The following COPZ2 variants were observed in gnomAD, a reference collection of about 807,000 sequenced individuals.
The protein encoded by COPZ2 is coat protein complex I subunit zeta 2.
A neutral mutation model predicts 33.2 loss-of-function variants in COPZ2; 30 were observed. The observed-to-expected ratio is 0.90, with a 90% CI of 0.68 to 1.23. The LOEUF (loss-of-function observed/expected upper bound fraction) is 1.23. COPZ2 is among the 50% of genes most tolerant of loss of function. The pLI is 0.00. For synonymous variants in COPZ2, 89 were observed against 102.6 expected, an observed-to-expected ratio of 0.87 and a Z score of 0.80; for missense variants, 263 against 262.4, an observed-to-expected ratio of 1.00 and a Z score of -0.02.
intron 3 of COPZ2, 143 bp from the exon 4 acceptor site, chr17:48,033,445 ACCATCAGGCAGC>A: frequency 1.6e-6 from 1 of 638,332 alleles, no homozygotes; most frequent in South Asian, 1.8e-5. Flanking sequence ...TAGGGACACT[ACCATCAGGCAGC>A]CCCGTGTCCT....
At chr17:48,029,526 G>A in intron 6 of COPZ2, 2 of 361,924 alleles carry the variant, frequency 5.5e-6, no homozygotes, top group South Asian at 7.1e-5. Context: ...GTATAGGATT[G>A]GATTCCCTGT....
At chr17:48,026,564 C>G in intron 8 of COPZ2, 89 bp from the exon 9 acceptor site, 1 of 927,170 alleles carries the variant, frequency 1.1e-6, no homozygotes. Context: ...CCCACCTTGC[C>G]GAAGCGCCCC....
intron 6 of COPZ2, among the ~76,000 whole-genome samples, chr17:48,030,269 AG>A (rs1398557266): frequency 1.3e-5 from 2 of 150,334 alleles, no homozygotes; most frequent in Non-Finnish European, 3.0e-5. Context: ...CCTGGGCGAC[AG>A]AGTGAGACTC....
At chr17:48,027,353 T>A (rs2036831842) in intron 8 of COPZ2, among the ~76,000 whole-genome samples, 1 of 152,248 alleles carries the variant, frequency 6.6e-6, no homozygotes, top group South Asian at 2.1e-4. Context: ...GGAGCCCTAC[T>A]AAGAGCTTGT....
chr17:48,045,158 CTA>C, the COPZ2 span: 7 of 152,118 alleles, frequency 4.6e-5, no homozygotes, highest in African/African-American at 1.7e-4. Flanking sequence ...TGGGTTTTCA[CTA>C]TGTTGGCCAG....
Position 48,028,466 on chromosome 17 carries a change from G to T in COPZ2, c.585+6C>A, listed in dbSNP as rs746959636. The T allele has an allele frequency of 6.2e-7, 1 of 1,608,380 alleles. No individual in the cohort carries two copies. The highest frequency in any genetic ancestry group is 1.1e-5 in the South Asian group (1 of 89,724). Reference sequence around the variant, plus strand: ...TTCTAGCCAAGGCAGATGCAGGGGGGCCTACCTGGGCCACACTCTGTTCAG... The same window carrying T: ...TTCTAGCCAAGGCAGATGCAGGGGGTCCTACCTGGGCCACACTCTGTTCAG... On this transcript the variant is annotated splice_donor_region_variant and intron_variant, in intron 8 of 8. Transcript: ENST00000621465. The surrounding 1 kb of genome is among the most constrained non-coding windows in gnomAD (Gnocchi z 4.5).
At chr17:48,038,611 T>C (rs184467024), upstream of COPZ2, among the ~76,000 whole-genome samples, 17 of 152,344 alleles carry the variant, frequency 1.1e-4, no homozygotes, top group Admixed American at 3.9e-4. Flanking sequence ...ACCTGTAAGA[T>C]AGGCATAATG....
chr17:48,029,096 A>G (rs2036855308), intron 7 of COPZ2, 29 bp downstream of exon 7: 1 of 1,562,932 alleles, frequency 6.4e-7, no homozygotes, highest in African/African-American at 1.4e-5. Flanking sequence ...GGGCAGCCTA[A>G]AAGAGGAGGT....
Position 48,037,669 on chromosome 17 carries a change from G to A in COPZ2, c.109C>T (p.Arg37Trp), listed in dbSNP as rs1361088679. 2.7e-6 allele frequency: 3 copies of A among 1,096,650 alleles called. No homozygotes were observed. The highest frequency in any genetic ancestry group is 1.0e-4 in the Admixed American group (2 of 19,076). 67.9% of individuals were successfully genotyped at this position (1,096,650 alleles called of 1,614,324 possible). The change falls in exon 1 of 9, where the codon CGG becomes TGG. Residue 37 changes from arginine (R) to tryptophan (W), a missense_variant and splice_region_variant. By Grantham distance (101) the Arg-to-Trp change is moderately radical (BLOSUM62 -3). Transcript: ENST00000621465. The surrounding 1 kb of genome is among the most constrained non-coding windows in gnomAD (Gnocchi z 5.6). ...CCCCGCGCCCGCCCGCTCCGTACCCGCAGCCCCGAGGGCTCCCCGGCTCGA... is the reference window on the plus strand; with the variant it reads ...CCCCGCGCCCGCCCGCTCCGTACCCACAGCCCCGAGGGCTCCCCGGCTCGA... ...PARAGEPSGL[R>W]LQEPSLYTIK...
intron 6 of COPZ2, 171 bp from the exon 7 acceptor site, chr17:48,029,347 G>A (rs558389562): frequency 7.1e-4 from 487 of 685,006 alleles, no homozygotes; most frequent in Non-Finnish European, 1.1e-3. Context: ...AGCATGGAGA[G>A]CCCTCAGCTC....
chr17:48,026,268 C>T lies in COPZ2; in HGVS notation c.*160G>A. 1 of 622,152 alleles carries T rather than the reference C, an allele frequency of 1.6e-6. No homozygotes were observed. The highest frequency in any genetic ancestry group is 2.0e-5 in the South Asian group (1 of 50,470). The allele number at this position is 622,152 out of a possible 1,614,324, so 38.5% of individuals were successfully genotyped here. ...TGAGAAAAGGTGACTCTCCTGAGGCCAAACCTTTGCATCTCAGAAGCCCTG... is the reference window on the plus strand; with the variant it reads ...TGAGAAAAGGTGACTCTCCTGAGGCTAAACCTTTGCATCTCAGAAGCCCTG... On this transcript the variant is annotated 3_prime_UTR_variant, in exon 9 of 9. Transcript: ENST00000621465.
the COPZ2 span, chr17:48,047,640 CG>C: frequency 5.1e-5 from 5 of 97,764 alleles, no homozygotes; most frequent in African/African-American, 3.0e-4. Context: ...ACACCGCCAA[CG>C]TTCCGCCAAC....
At chr17:48,045,889 C>T in the COPZ2 span, 2 of 152,192 alleles carry the variant, frequency 1.3e-5, no homozygotes, top group African/African-American at 4.8e-5. Context: ...GAAGGACACA[C>T]CCTGGGTTTT....
chr17:48,037,697 A>T lies in COPZ2; in HGVS notation c.81T>A (p.Pro27=). The T allele has an allele frequency of 2.8e-6, 3 of 1,069,844 alleles. No homozygotes were observed. Among genetic ancestry groups the T allele is most frequent in the Non-Finnish European group, 2.3e-6 (2 of 888,754 alleles). The allele number at this position is 1,069,844 out of a possible 1,614,324, so 66.3% of individuals were successfully genotyped here. A position where few individuals can be genotyped will look rare whatever the true frequency, so the allele number is the denominator to read the frequency against. ...AAAQAGGPAP[P]ARAGEPSGLR... ...GCCCCGAGGGCTCCCCGGCTCGAGC[A>T]GGCGGCGCCGGGCCCCCGGCCTGGG... Residue 27 remains proline, a synonymous_variant, in exon 1 of 9, where the codon CCT becomes CCA. Transcript: ENST00000621465. This position sits in a 1 kb window ranked among gnomAD's most constrained non-coding sequence, Gnocchi z 5.6.
upstream of COPZ2, among the ~76,000 whole-genome samples, chr17:48,040,674 G>T (rs1210907789): frequency 4.0e-5 from 6 of 148,512 alleles, no homozygotes; most frequent in African/African-American, 1.5e-4. Context: ...CTTGTGATCT[G>T]CTTGCCTCGG....
chr17:48,033,225 A>C lies in COPZ2; in HGVS notation c.346T>G (p.Ser116Ala). Reference protein sequence around the residue: ...IDLFLYVVGSSYENELMLMSV... With the variant: ...IDLFLYVVGSAYENELMLMSV... Reference sequence around the variant, plus strand: ...CCTGAATTCACCTCATTCTCGTAGGATGAGCCCACCACGTATAGGAAGAGG... The same window carrying C: ...CCTGAATTCACCTCATTCTCGTAGGCTGAGCCCACCACGTATAGGAAGAGG... The change falls in exon 4 of 9, where the codon TCC (serine) becomes GCC (alanine). Residue 116 changes from serine (S) to alanine (A), a missense_variant. Transcript: ENST00000621465. 6.2e-7 allele frequency: 1 copy of C among 1,611,208 alleles called. No homozygotes were observed. Among genetic ancestry groups the C allele is most frequent in the Non-Finnish European group, 8.5e-7 (1 of 1,177,768 alleles).
chr17:48,039,650 ATTCCCAGCCT>A (rs1397038723), upstream of COPZ2, among the ~76,000 whole-genome samples: 1 of 152,078 alleles, frequency 6.6e-6, no homozygotes, highest in African/African-American at 2.4e-5. Context: ...GTGAACCACC[ATTCCCAGCCT>A]TTACTAGTTT....
At position 48,026,221 on chromosome 17, in the gene COPZ2, A is replaced by G; in HGVS notation, c.*207T>C. The G allele has an allele frequency of 1.8e-6, 1 of 559,108 alleles. No individual in the cohort carries two copies. Among genetic ancestry groups the G allele is most frequent in the Non-Finnish European group, 3.2e-6 (1 of 314,538 alleles). The allele number at this position is 559,108 out of a possible 1,614,324, so 34.6% of individuals were successfully genotyped here. A position where few individuals can be genotyped will look rare whatever the true frequency, so the allele number is the denominator to read the frequency against. On this transcript the variant is annotated 3_prime_UTR_variant, in exon 9 of 9. Transcript: ENST00000621465. ...GGCCCTGGGGCCAGGAATGCCTAAG[A>G]TATGAGTTAAGGCCAGGGCCGTGAG...
At chr17:48,048,020 C>T in the COPZ2 span, 1 of 152,442 alleles carries the variant, frequency 6.6e-6, no homozygotes, top group African/African-American at 2.4e-5. Flanking sequence ...AGCGCCCAAC[C>T]TGGATACTTC....
Sources: gnomAD v4.1 joint callset for allele counts (sites outside exome capture counted in the v4.1 genomes callset) on GRCh38, gnomAD v4.1.1 for gene constraint, Gnocchi (gnomAD v3.1) non-coding constraint, MANE v1.5 for transcripts, NCBI Gene and HGNC (gene_info 2026-07-23, HGNC 2026-07-21) for gene names.